Variants in DENND2A observed in about 807,000 individuals in gnomAD.
The protein encoded by DENND2A is DENN domain-containing protein 2A.
Under a neutral mutation model 105.3 loss-of-function variants are expected in DENND2A, and 53 were observed. That is an observed-to-expected ratio of 0.50 (90% CI 0.40 to 0.63). The LOEUF (loss-of-function observed/expected upper bound fraction) is 0.63. Ranked by LOEUF, DENND2A falls within the 30% of genes least tolerant of loss-of-function variation. DENND2A has a pLI of 0.00. For synonymous variants in DENND2A, 522 were observed against 508.4 expected (o/e 1.03, Z -0.36); for missense variants, 1,138 against 1,279.6 (o/e 0.89, Z 1.69).
intron 5 of DENND2A, among the ~76,000 whole-genome samples, chr7:140,583,980 G>A (rs898122752): frequency 2.1e-5 from 3 of 143,046 alleles, no homozygotes; most frequent in African/African-American, 8.3e-5. Flanking sequence ...GGTGGCTCAC[G>A]CCTGTAATCC....
intron 5 of DENND2A, among the ~76,000 whole-genome samples, chr7:140,581,847 TG>T (rs1350563345): frequency 6.6e-6 from 1 of 152,178 alleles, no homozygotes; most frequent in Non-Finnish European, 1.5e-5. Context: ...GCTGCTTTGG[TG>T]GCAGAGGCTC....
intron 2 of DENND2A, among the ~76,000 whole-genome samples, chr7:140,603,252 C>T (rs564871913): frequency 2.6e-5 from 4 of 151,658 alleles, no homozygotes; most frequent in Admixed American, 6.6e-5. Flanking sequence ...CACCACTGCA[C>T]TCCAGCCTGG....
chr7:140,634,517 G>C (rs1800848590), intron 1 of DENND2A, among the ~76,000 whole-genome samples: 1 of 152,066 alleles, frequency 6.6e-6, no homozygotes, highest in Non-Finnish European at 1.5e-5. Flanking sequence ...ATGCATAGAG[G>C]CAATGTATTA....
intron 5 of DENND2A, among the ~76,000 whole-genome samples, chr7:140,582,248 A>G (rs764590550): frequency 8.2e-4 from 125 of 152,134 alleles, no homozygotes; most frequent in Non-Finnish European, 1.0e-3. Flanking sequence ...TACAGGCAGG[A>G]GCCACCGCGC....
chr7:140,586,366 A>AACACAC (rs10524571), intron 4 of DENND2A, among the ~76,000 whole-genome samples: 4,453 of 139,544 alleles, frequency 0.032, 81 homozygotes, highest in South Asian at 0.039. Context: ...TAAAAAAGAA[A>AACACAC]ACACACACAC....
intron 5 of DENND2A, among the ~76,000 whole-genome samples, chr7:140,585,111 T>C (rs1218791416): frequency 1.3e-5 from 2 of 152,156 alleles, no homozygotes; most frequent in East Asian, 1.9e-4. Flanking sequence ...GGTGGGAGGA[T>C]TGACTGAGTC....
chr7:140,579,554 G>A lies in DENND2A; in HGVS notation c.1246-5546C>T, dbSNP rs191570562. ...ATTACAGGCGCACACCACTGCACCC[G>A]GCTAATTTTTGTATTTTCAGTAGAG... On this transcript the variant is annotated intron_variant, in intron 5 of 19. Transcript: ENST00000496613. Among the ~76,000 whole-genome samples, 919 of 151,650 alleles carry A rather than the reference G, an allele frequency of 6.1e-3. 6 individuals carry two copies. Among genetic ancestry groups the A allele is most frequent in the African/African-American group, 0.021 (851 of 41,402 alleles).
In DENND2A at chr7:140,573,928, A is replaced by C. The variant is rs373075745; in HGVS notation, c.1326T>G (p.Ser442Arg). ...TGGAAGGGGACCCAGTTCCATCCCG[A>C]CTCAGCTTCCTAGTGTCCAGCAGCT... ...NFKLLDTRKL[S>R]RDGTGSPSKI... Residue 442 changes from serine to arginine, a missense_variant, in exon 6 of 20, where the codon AGT becomes AGG. Coordinates refer to ENST00000496613, the MANE Select transcript of DENND2A (RefSeq NM_015689.5). 4.9e-5 allele frequency: 79 copies of C among 1,613,864 alleles called. No individual in the cohort carries two copies. Among genetic ancestry groups the C allele is most frequent in the Middle Eastern group, 1.6e-4 (1 of 6,084 alleles).
At chr7:140,546,743 C>T in intron 13 of DENND2A, 56 bp downstream of exon 13, 1 of 1,599,844 alleles carries the variant, frequency 6.3e-7, no homozygotes, top group South Asian at 1.1e-5. Flanking sequence ...AGCACGGAGA[C>T]TCGGCTGTCT....
intron 17 of DENND2A, among the ~76,000 whole-genome samples, chr7:140,522,832 T>G (rs1390303525): frequency 6.6e-6 from 1 of 151,904 alleles, no homozygotes; most frequent in Non-Finnish European, 1.5e-5. Context: ...GGTTTCGAAC[T>G]CTTGACTTCA....
At chr7:140,570,551 G>A (rs896082880) in intron 6 of DENND2A, among the ~76,000 whole-genome samples, 3 of 152,208 alleles carry the variant, frequency 2.0e-5, no homozygotes, top group South Asian at 2.1e-4. Flanking sequence ...TTGGGACTAC[G>A]GGGAGTGGTG....
chr7:140,527,428 T>C lies in DENND2A; in HGVS notation c.2395A>G (p.Ile799Val). Reference protein sequence around the residue: ...IYPFAWQHTYIPVLPPAMVDI... With the variant: ...IYPFAWQHTYVPVLPPAMVDI... ...ACCATGGCGGGTGGCAGCACCGGGA[T>C]GTAGGTGTGCTGCCAGGCGAAGGGG... Residue 799 changes from isoleucine to valine, a missense_variant, in exon 15 of 20, where the codon ATC becomes GTC. Ile to Val is a conservative substitution (Grantham distance 29). Transcript: ENST00000496613. This position sits in a 1 kb window ranked among gnomAD's most constrained non-coding sequence, Gnocchi z 4.9. 1 of 1,601,206 alleles carries C rather than the reference T, an allele frequency of 6.2e-7. No homozygotes were observed. The highest frequency in any genetic ancestry group is 1.1e-5 in the South Asian group (1 of 88,868).
chr7:140,550,785 G>A (rs1797102731), intron 12 of DENND2A, among the ~76,000 whole-genome samples: 1 of 152,054 alleles, frequency 6.6e-6, no homozygotes, highest in South Asian at 2.1e-4. Context: ...TTTCTGTTGG[G>A]GGAGATGAAA....
At chr7:140,600,994 T>C (rs1280269916) in intron 3 of DENND2A, among the ~76,000 whole-genome samples, 2 of 152,204 alleles carry the variant, frequency 1.3e-5, no homozygotes, top group East Asian at 3.9e-4. Flanking sequence ...TAAGGTCACA[T>C]AGATAGACAC....
intron 15 of DENND2A, among the ~76,000 whole-genome samples, 182 bp from the exon 16 acceptor site, chr7:140,525,974 G>A (rs1796040634): frequency 6.6e-6 from 1 of 152,128 alleles, no homozygotes; most frequent in Admixed American, 6.5e-5. Flanking sequence ...GGCTGGGGAG[G>A]GTCCTTCCTG....
In DENND2A at chr7:140,544,747, G is replaced by A. The variant is rs1318957498; in HGVS notation, c.2198C>T (p.Pro733Leu). ...CACGTGCTCGAGCCGGGAGTCCAGCGGGCGGCACAGTTCGATCACCTGCCA... is the reference window on the plus strand; with the variant it reads ...CACGTGCTCGAGCCGGGAGTCCAGCAGGCGGCACAGTTCGATCACCTGCCA... ...SGTEVIELCRPLDSRLEHVDF... is the reference protein window; with the variant it reads ...SGTEVIELCRLLDSRLEHVDF... The change falls in exon 14 of 20, where the codon CCG (proline) becomes CTG (leucine). Residue 733 changes from proline (P) to leucine (L), a missense_variant. By Grantham distance (98) the Pro-to-Leu change is moderately conservative. Transcript: ENST00000496613. 7.5e-6 allele frequency: 12 copies of A among 1,590,434 alleles called. No individual in the cohort carries two copies. Among genetic ancestry groups the A allele is most frequent in the East Asian group, 2.3e-5 (1 of 44,184 alleles).
intron 1 of DENND2A, among the ~76,000 whole-genome samples, chr7:140,632,050 G>A (rs566128913): frequency 6.6e-6 from 1 of 152,224 alleles, no homozygotes; most frequent in South Asian, 2.1e-4. Context: ...GGACCATGCC[G>A]GGTCAGTCTG....
chr7:140,613,906 C>A (rs921240638), intron 1 of DENND2A, among the ~76,000 whole-genome samples: 4 of 152,204 alleles, frequency 2.6e-5, no homozygotes, highest in African/African-American at 9.6e-5. Flanking sequence ...TTCCCCATTC[C>A]CTTCTTTTCC....
chr7:140,588,835 T>C (rs904219081), intron 3 of DENND2A, among the ~76,000 whole-genome samples: 2 of 150,446 alleles, frequency 1.3e-5, no homozygotes, highest in Non-Finnish European at 2.9e-5. Flanking sequence ...CTCTGCCTCC[T>C]GGGTTCAAGC....
Sources: gnomAD v4.1 joint callset for allele counts (sites outside exome capture counted in the v4.1 genomes callset) on GRCh38, gnomAD v4.1.1 for gene constraint, Gnocchi (gnomAD v3.1) non-coding constraint, MANE v1.5 for transcripts, NCBI Gene and HGNC (gene_info 2026-07-23, HGNC 2026-07-21) for gene names.